The following DHX57 variants were observed in gnomAD, a reference collection of about 807,000 sequenced individuals.
DHX57 encodes the protein DExH-box helicase 57.
A neutral mutation model predicts 156.2 loss-of-function variants in DHX57; 105 were observed. The observed-to-expected ratio is 0.67, with a 90% CI of 0.57 to 0.79. DHX57 has a LOEUF of 0.79. Ranked by LOEUF, DHX57 falls within the 30% of genes least tolerant of loss-of-function variation. The pLI, the probability that DHX57 is intolerant of heterozygous loss-of-function variation, is 0.00. For synonymous variants in DHX57, 704 were observed against 595.6 expected, an observed-to-expected ratio of 1.18 and a Z score of -2.65; for missense variants, 1,847 against 1,661.9, an observed-to-expected ratio of 1.11 and a Z score of -1.94.
intron 16 of DHX57, among the ~76,000 whole-genome samples, chr2:38,824,509 G>C (rs1670992655): frequency 1.3e-5 from 2 of 151,992 alleles, no homozygotes; most frequent in South Asian, 2.1e-4. Context: ...CTCATATTAA[G>C]TATTCTTACC....
chr2:38,835,370 G>A (rs1391707979), intron 13 of DHX57, among the ~76,000 whole-genome samples: 1 of 152,188 alleles, frequency 6.6e-6, no homozygotes, highest in Non-Finnish European at 1.5e-5. Flanking sequence ...TGAACAGAAA[G>A]AAGAAACACC....
intron 1 of DHX57, among the ~76,000 whole-genome samples, chr2:38,874,201 C>G (rs1665486853): frequency 6.6e-6 from 1 of 152,018 alleles, no homozygotes; most frequent in Non-Finnish European, 1.5e-5. Context: ...AAGCAATCCT[C>G]CTGCCTCAGC....
At chr2:38,809,784 A>G (rs1474361590) in intron 21 of DHX57, among the ~76,000 whole-genome samples, 1 of 151,294 alleles carries the variant, frequency 6.6e-6, no homozygotes, top group Admixed American at 6.6e-5. Flanking sequence ...TTTAATTTGC[A>G]TTTCTTCTTG....
At chr2:38,865,268 G>T (rs1380672640) in intron 2 of DHX57, among the ~76,000 whole-genome samples, 2 of 152,170 alleles carry the variant, frequency 1.3e-5, no homozygotes, top group African/African-American at 4.8e-5. Flanking sequence ...ACCGGTTGGA[G>T]GTAGTTGAAT....
chr2:38,838,327 C>G (rs1671796169), intron 12 of DHX57, among the ~76,000 whole-genome samples: 3 of 152,074 alleles, frequency 2.0e-5, no homozygotes, highest in African/African-American at 7.2e-5. Context: ...TCTCGAACTC[C>G]CAGGCTAAGG....
chr2:38,847,279 A>G (rs1361174624), intron 10 of DHX57, among the ~76,000 whole-genome samples: 2 of 152,226 alleles, frequency 1.3e-5, no homozygotes, highest in Admixed American at 1.3e-4. Flanking sequence ...GTGTATAGGT[A>G]GAGAAATGAT....
chr2:38,834,441 C>G (rs1450432373), intron 13 of DHX57, among the ~76,000 whole-genome samples: 1 of 151,800 alleles, frequency 6.6e-6, no homozygotes, highest in African/African-American at 2.4e-5. Context: ...TTGTAGCCAC[C>G]TCCTGTTGCT....
chr2:38,822,997 G>A lies in DHX57; in HGVS notation c.3287C>T (p.Pro1096Leu), dbSNP rs759965433. Residue 1096 changes from proline (P) to leucine (L), a missense_variant, in exon 17 of 24, where the codon CCG (proline) becomes CTG (leucine). Coordinates refer to ENST00000457308, the MANE Select transcript of DHX57 (RefSeq NM_198963.3). ...AGATGAATGTTGTTTACTTACAAAC[G>A]GAGACTTAAAAGCCAAACTGGCAGC... ...TIAASLAFKS[P>L]FVSPWDKKEE... 55 of 1,613,568 alleles carry A rather than the reference G, an allele frequency of 3.4e-5. No individual in the cohort carries two copies. Among genetic ancestry groups the A allele is most frequent in the Non-Finnish European group, 4.2e-5 (50 of 1,179,788 alleles).
intron 13 of DHX57, among the ~76,000 whole-genome samples, chr2:38,831,365 A>C (rs1671371033): frequency 6.9e-6 from 1 of 144,480 alleles, no homozygotes; most frequent in Admixed American, 7.1e-5. Flanking sequence ...CTTGTCCCCC[A>C]GGCTGCCAGG....
At chr2:38,850,427 T>C (rs1159747563) in intron 9 of DHX57, among the ~76,000 whole-genome samples, 1 of 151,978 alleles carries the variant, frequency 6.6e-6, no homozygotes, top group Non-Finnish European at 1.5e-5. Flanking sequence ...CTAATTTTTT[T>C]GTTTTTGTTT....
At chr2:38,801,094 A>T (rs1347462489) in intron 23 of DHX57, among the ~76,000 whole-genome samples, 1 of 152,218 alleles carries the variant, frequency 6.6e-6, no homozygotes, top group Non-Finnish European at 1.5e-5. Flanking sequence ...AAAATTACAT[A>T]TGTGGGTCAC....
At chr2:38,805,229 C>G (rs1056427949) in intron 22 of DHX57, among the ~76,000 whole-genome samples, 6 of 152,198 alleles carry the variant, frequency 3.9e-5, no homozygotes, top group Non-Finnish European at 7.3e-5. Flanking sequence ...CAGATGACCT[C>G]CTGACCCTCA....
Position 38,807,159 on chromosome 2 carries a change from A to G in DHX57, c.3682-466T>C, listed in dbSNP as rs149741080. 1.8e-3 allele frequency among the ~76,000 whole-genome samples: 278 copies of G among 151,860 alleles called. 3 individuals carry two copies. The highest frequency in any genetic ancestry group is 8.9e-3 in the Admixed American group (135 of 15,238). ...AACCTCCGCCTCCCAGGTTCATGCA[A>G]TTCTCCTGCATTAGGCTCCCAAGTA... is the stretch of plus-strand genomic sequence containing the variant. On this transcript the variant is annotated intron_variant, in intron 21 of 23. Transcript: ENST00000457308.
At chr2:38,804,471 CAGAG>C (rs1324601717) in intron 22 of DHX57, among the ~76,000 whole-genome samples, 1 of 151,980 alleles carries the variant, frequency 6.6e-6, no homozygotes, top group African/African-American at 2.4e-5. Context: ...GCCTGGGTGA[CAGAG>C]AGAGACTCTG....
chr2:38,821,090 T>C (rs763988284), intron 17 of DHX57, among the ~76,000 whole-genome samples: 8 of 151,912 alleles, frequency 5.3e-5, no homozygotes, highest in South Asian at 2.1e-4. Flanking sequence ...AACTCACAAA[T>C]ATATAGAAAT....
chr2:38,803,035 C>T (rs545191547), intron 22 of DHX57, 120 bp from the exon 23 acceptor site: 27 of 1,056,746 alleles, frequency 2.6e-5, no homozygotes, highest in East Asian at 2.3e-4. Flanking sequence ...ATCTATAGCC[C>T]GTGACTTTCC....
chr2:38,837,875 G>T lies in DHX57; in HGVS notation c.2498C>A (p.Ala833Asp). The change falls in exon 13 of 24, where the codon GCC (alanine) becomes GAC (aspartate). Residue 833 changes from alanine (A) to aspartate (D), a missense_variant. Coordinates refer to ENST00000457308, the MANE Select transcript of DHX57 (RefSeq NM_198963.3). ...TCCATCCACAATCCACTCTAATAAG[G>T]CCTCTATTAATTCAAGATTCACCTT... Reference protein sequence around the residue: ...FEKVNLELIEALLEWIVDGKH... With the variant: ...FEKVNLELIEDLLEWIVDGKH... 5 of 1,613,366 alleles carry T rather than the reference G, an allele frequency of 3.1e-6. No homozygotes were observed. Among genetic ancestry groups the T allele is most frequent in the Non-Finnish European group, 4.2e-6 (5 of 1,179,454 alleles).
chr2:38,857,740 A>C (rs972248720), intron 6 of DHX57, among the ~76,000 whole-genome samples: 4 of 152,230 alleles, frequency 2.6e-5, no homozygotes, highest in Non-Finnish European at 5.9e-5. Flanking sequence ...CTTCATGTGA[A>C]TGGGGTAAAA....
intron 14 of DHX57, among the ~76,000 whole-genome samples, chr2:38,827,212 C>A (rs1671131900): frequency 6.6e-6 from 1 of 151,520 alleles, no homozygotes; most frequent in South Asian, 2.1e-4. Flanking sequence ...TTCTAGGAAC[C>A]AAAAACCTCA....
Sources: allele counts gnomAD v4.1 joint callset (sites outside exome capture counted in the v4.1 genomes callset), GRCh38; gene constraint gnomAD v4.1.1; transcripts MANE v1.5; gene names NCBI Gene and HGNC (gene_info 2026-07-23, HGNC 2026-07-21).